CCDC180: variants seen among roughly 807,000 people sequenced by gnomAD.
The protein encoded by CCDC180 is coiled-coil domain-containing protein 180.
In CCDC180, 154 loss-of-function variants were observed where a neutral mutation model predicts 209.2. The ratio of observed to expected loss-of-function variants is 0.74; its 90% CI spans 0.65 to 0.84. CCDC180 has a LOEUF of 0.84. Among genes scored for constraint, CCDC180 ranks in the 40% least tolerant of loss-of-function variants. The pLI is 0.00. For missense variants in CCDC180, 1,874 were observed against 1,997.3 expected (o/e 0.94, Z 1.18); for synonymous variants, 778 against 749.1 (o/e 1.04, Z -0.63).
chr9:97,314,201 C>T (rs1053992633), intron 5 of CCDC180, among the ~76,000 whole-genome samples, 192 bp from the exon 6 acceptor site: 2 of 144,950 alleles, frequency 1.4e-5, no homozygotes, highest in African/African-American at 5.2e-5. Context: ...TCAAATGAGC[C>T]AAGAAGGAGG....
At chr9:97,364,210 A>G in intron 29 of CCDC180, 82 bp downstream of exon 29, 1 of 1,321,212 alleles carries the variant, frequency 7.6e-7, no homozygotes, top group Admixed American at 2.0e-5. Context: ...AGCTGAGGGG[A>G]AAAATCAGAA....
At chr9:97,363,129 C>T (rs1826814557) in intron 28 of CCDC180, among the ~76,000 whole-genome samples, 3 of 152,234 alleles carry the variant, frequency 2.0e-5, no homozygotes, top group Admixed American at 2.0e-4. Flanking sequence ...TTGGGGGCTG[C>T]TGTCATGAGG....
intron 31 of CCDC180, 177 bp from the exon 32 acceptor site, chr9:97,369,745 C>G (rs1827024817): frequency 3.3e-6 from 2 of 614,862 alleles, no homozygotes; most frequent in Admixed American, 6.1e-5. Context: ...CTGGCTAACC[C>G]TGTATTTTCT....
intron 13 of CCDC180, among the ~76,000 whole-genome samples, 195 bp downstream of exon 13, chr9:97,324,098 C>T (rs954219407): frequency 6.6e-6 from 1 of 152,198 alleles, no homozygotes; most frequent in African/African-American, 2.4e-5. Flanking sequence ...TCCCAGCCAC[C>T]CACTGACATG....
intron 9 of CCDC180, among the ~76,000 whole-genome samples, 193 bp from the exon 10 acceptor site, chr9:97,318,269 TC>T (rs1279463766): frequency 6.6e-6 from 1 of 152,042 alleles, no homozygotes; most frequent in Non-Finnish European, 1.5e-5. Flanking sequence ...CCCCGCTTTC[TC>T]CCACCCACCC....
At position 97,375,596 on chromosome 9, in the gene CCDC180, CAG is replaced by C. The variant is rs769091045; in HGVS notation, c.4842+8_4842+9del. 18 of 1,614,056 alleles carry C rather than the reference CAG, an allele frequency of 1.1e-5. No homozygotes were observed. The highest frequency in any genetic ancestry group is 1.3e-5 in the African/African-American group (1 of 74,934). On this transcript the variant is annotated splice_region_variant and intron_variant, in intron 36 of 36. Coordinates refer to ENST00000529487, the MANE Select transcript of CCDC180 (RefSeq NM_020893.6). ...CCGAGATGCTGTGTACCTGGTGAGA[CAG>C]GGTGGAGTGGGCGTGTCCCAGGGAG... is the stretch of plus-strand genomic sequence containing the variant.
At position 97,375,440 on chromosome 9, in the gene CCDC180, AT is replaced by A; in HGVS notation, c.4707-13del. ...AGACAAGCCTGTGAGATTTTCACAC[AT>A]GTTTGTTTGTAGGAAGTGGCCAGGG... On this transcript the variant is annotated splice_polypyrimidine_tract_variant and intron_variant, in intron 35 of 36. Coordinates refer to ENST00000529487, the MANE Select transcript of CCDC180 (RefSeq NM_020893.6). 1.2e-6 allele frequency: 2 copies of A among 1,613,860 alleles called. No homozygotes were observed. The highest frequency in any genetic ancestry group is 8.5e-7 in the Non-Finnish European group (1 of 1,179,818).
chr9:97,373,685 A>C (rs1827163163), intron 34 of CCDC180: 1 of 152,160 alleles, frequency 6.6e-6, no homozygotes, highest in East Asian at 1.9e-4. Context: ...CCAATTTCCC[A>C]CTCCTGTAAT....
chr9:97,333,509 T>G (rs4743078), intron 18 of CCDC180, among the ~76,000 whole-genome samples: 22,560 of 76,542 alleles, frequency 0.29, 2,239 homozygotes, highest in African/African-American at 0.4. Context: ...TTGGGTTTTT[T>G]TTTTTTTTTT....
chr9:97,311,155 G>T (rs1832975296), intron 3 of CCDC180, among the ~76,000 whole-genome samples: 1 of 152,184 alleles, frequency 6.6e-6, no homozygotes, highest in Non-Finnish European at 1.5e-5. Flanking sequence ...GCCCAGGCCA[G>T]GGGGTAAATC....
chr9:97,350,352 C>T (rs1472209359), intron 21 of CCDC180, 57 bp from the exon 22 acceptor site: 2 of 1,513,962 alleles, frequency 1.3e-6, no homozygotes, highest in Admixed American at 2.0e-5. Context: ...CCTGCCCCTC[C>T]CTTGTCCCCC....
rs768185493 is a variant in CCDC180, at chr9:97,370,003, A to G, written c.4271A>G (p.His1424Arg). Residue 1424 changes from histidine (H) to arginine (R), a missense_variant, in exon 32 of 37, where the codon CAC (histidine) becomes CGC (arginine). By Grantham distance (29) the His-to-Arg change is conservative. Transcript: ENST00000529487. ...GTGATGGAGAATTTCAAGGAACACC[A>G]CTGGAAAAAGTTTTTCACCTCTGTG... ...WLVMENFKEH[H>R]WKKFFTSVKE... 6.2e-7 allele frequency: 1 copy of G among 1,614,164 alleles called. No homozygotes were observed. Among genetic ancestry groups the G allele is most frequent in the Admixed American group, 1.7e-5 (1 of 60,018 alleles).
rs376081594 is a variant in CCDC180 at position 97,371,609 on chromosome 9, G to T, written c.4503G>T (p.Arg1501Ser). Residue 1501 changes from arginine to serine, a missense_variant, in exon 34 of 37, where the codon AGG becomes AGT. Physicochemically the swap from Arg to Ser is moderately radical, Grantham distance 110 (BLOSUM62 -1). Transcript: ENST00000529487. ...NKEKLEECTRRNGQVFITNLA... is the reference protein window; with the variant it reads ...NKEKLEECTRSNGQVFITNLA... ...GTTTTTTCCAGGAATGTACCAGAAG[G>T]AATGGCCAGGTTTTCATAACCAACT... The T allele has an allele frequency of 6.2e-6, 10 of 1,603,866 alleles. No individual in the cohort carries two copies. The highest frequency in any genetic ancestry group is 8.5e-6 in the Non-Finnish European group (10 of 1,171,740).
intron 19 of CCDC180, among the ~76,000 whole-genome samples, chr9:97,345,284 A>G (rs1460764566): frequency 1.3e-5 from 2 of 152,256 alleles, no homozygotes; most frequent in Non-Finnish European, 2.9e-5. Flanking sequence ...GCCGAAAGAT[A>G]CTACAAGGAG....
Position 97,325,127 on chromosome 9 carries a change from G to A in CCDC180, c.1480G>A (p.Val494Met), listed in dbSNP as rs748490070. 9.1e-5 allele frequency: 146 copies of A among 1,613,168 alleles called. No homozygotes were observed. In the East Asian group the frequency reaches 3.0e-3, roughly 33 times the overall value. The change falls in exon 14 of 37, where the codon GTG becomes ATG. Residue 494 changes from valine (V) to methionine (M), a missense_variant. Physicochemically the swap from Val to Met is conservative, Grantham distance 21. Transcript: ENST00000529487. The stretch of plus-strand genomic sequence containing the variant: ...GGAGGCACACCAGAGCGAGCTGTTG[G>A]TGCAGGAGCTGGAGCTGGAGAAGAG... ...LWEAHQSELLVQELELEKRME... is the reference protein window; with the variant it reads ...LWEAHQSELLMQELELEKRME...
chr9:97,371,557 C>G (rs1564178485), intron 33 of CCDC180, 38 bp from the exon 34 acceptor site: 1 of 1,378,112 alleles, frequency 7.3e-7, no homozygotes, highest in African/African-American at 1.4e-5. Flanking sequence ...AGGGATGATC[C>G]TCTCCTAGCA....
intron 28 of CCDC180, among the ~76,000 whole-genome samples, chr9:97,362,715 GA>G (rs1826800356): frequency 6.6e-6 from 1 of 150,948 alleles, no homozygotes; most frequent in Non-Finnish European, 1.5e-5. Flanking sequence ...CAGAGCCACA[GA>G]AAGAGTTCTG....
intron 3 of CCDC180, among the ~76,000 whole-genome samples, chr9:97,311,261 C>T (rs1468677516): frequency 2.0e-5 from 3 of 152,172 alleles, no homozygotes; most frequent in Non-Finnish European, 4.4e-5. Flanking sequence ...TACAGGGCTG[C>T]CTTGGTCCAG....
At chr9:97,375,676 C>T in intron 36 of CCDC180, 87 bp downstream of exon 36, 4 of 1,557,396 alleles carry the variant, frequency 2.6e-6, no homozygotes, top group Non-Finnish European at 3.5e-6. Flanking sequence ...CACCCGGCAC[C>T]CAACATTTGG....
Sources: gnomAD v4.1 joint callset for allele counts (sites outside exome capture counted in the v4.1 genomes callset) on GRCh38, gnomAD v4.1.1 for gene constraint, MANE v1.5 for transcripts, NCBI Gene and HGNC (gene_info 2026-07-23, HGNC 2026-07-21) for gene names.